The following POLR3A variants were observed in gnomAD, a reference collection of about 807,000 sequenced individuals.
POLR3A encodes the protein RNA polymerase III subunit A.
POLR3A carries 112 observed loss-of-function variants against 152.8 expected under a neutral mutation model. The observed-to-expected ratio is 0.73, with a 90% CI of 0.63 to 0.86. The LOEUF (loss-of-function observed/expected upper bound fraction) is 0.86. Among genes scored for constraint, POLR3A ranks in the 40% least tolerant of loss-of-function variants. The pLI is 0.00. For missense variants in POLR3A, 1,385 were observed against 1,743.1 expected (o/e 0.79, Z 3.66); for synonymous variants, 615 against 652.1 (o/e 0.94, Z 0.87).
rs375483659 is a variant in POLR3A at position 78,021,609 on chromosome 10, G to A, written c.1122C>T (p.Asn374=). The change falls in exon 8 of 31, where the codon AAC becomes AAT. Residue 374 remains asparagine, a synonymous_variant. Transcript: ENST00000372371. ...GCACAGCTACCTCATCAATCCGGAG[G>A]TTGGGGTCGGGCGAGATGACTGTTC... ...SGRTVISPDP[N]LRIDEVAVPV... is the part of the protein sequence containing the mutation. 7.1e-5 allele frequency: 114 copies of A among 1,614,144 alleles called. No homozygotes were observed. In the African/African-American group the frequency reaches 1.0e-3, roughly 15 times the overall value.
intron 24 of POLR3A, among the ~76,000 whole-genome samples, chr10:77,984,791 G>T (rs1477865355): frequency 6.6e-6 from 1 of 152,104 alleles, no homozygotes; most frequent in African/African-American, 2.4e-5. Flanking sequence ...AAATCACCAG[G>T]GGCTCACAGA....
At position 77,982,759 on chromosome 10, in the gene POLR3A, C is replaced by T. The variant is rs757995873; in HGVS notation, c.3488G>A (p.Gly1163Asp). The T allele has an allele frequency of 1.2e-6, 2 of 1,613,910 alleles. No individual in the cohort carries two copies. Among genetic ancestry groups the T allele is most frequent in the Admixed American group, 1.7e-5 (1 of 59,996 alleles). The change falls in exon 27 of 31, where the codon GGT (glycine) becomes GAT (aspartate). Residue 1163 changes from glycine to aspartate, a missense_variant. This residue lies in a region of POLR3A where 332 missense variants were observed against 400.1 expected (regional missense o/e 0.83). Coordinates refer to ENST00000372371, the MANE Select transcript of POLR3A (RefSeq NM_007055.4). The part of the protein sequence containing the change: ...ICTSKLRVKP[G>D]DVAVHGEAVV... Reference sequence around the variant, plus strand: ...AGCCTCACCATGAACAGCCACATCACCGGGCTTCACACGGAGCTTGGATGT... The same window carrying T: ...AGCCTCACCATGAACAGCCACATCATCGGGCTTCACACGGAGCTTGGATGT...
Position 78,029,480 on chromosome 10 carries a change from T to G in POLR3A, c.-73A>C. Reference sequence around the variant, plus strand: ...GAGAAACGATGCCCCCAGCACCTCCTGGGGCTGCTTCTGGACTCGCCGCTA... The same window carrying G: ...GAGAAACGATGCCCCCAGCACCTCCGGGGGCTGCTTCTGGACTCGCCGCTA... On this transcript the variant is annotated 5_prime_UTR_variant, in exon 1 of 31. Coordinates refer to ENST00000372371, the MANE Select transcript of POLR3A (RefSeq NM_007055.4). 1.3e-6 allele frequency: 2 copies of G among 1,498,558 alleles called. No homozygotes were observed. Among genetic ancestry groups the G allele is most frequent in the South Asian group, 2.3e-5 (2 of 88,616 alleles). 92.8% of individuals were successfully genotyped at this position (1,498,558 alleles called of 1,614,324 possible). A position where few individuals can be genotyped will look rare whatever the true frequency, so the allele number is the denominator to read the frequency against.
rs775037532 is a variant in POLR3A at position 78,017,729 on chromosome 10, CA to C, written c.1290-14del. 15 of 1,613,998 alleles carry C rather than the reference CA, an allele frequency of 9.3e-6. No homozygotes were observed. The highest frequency in any genetic ancestry group is 1.7e-5 in the Admixed American group (1 of 60,016). On this transcript the variant is annotated splice_polypyrimidine_tract_variant and intron_variant, in intron 9 of 30. Transcript: ENST00000372371. ...GTATTTCAAAAACCTGAATGTGCAA[CA>C]ATAAACATGATCTGTGAAAGCAAAG...
rs1175055503 is a variant in POLR3A at position 77,977,291 on chromosome 10, G to A, written c.*187C>T. 1.5e-6 allele frequency: 1 copy of A among 670,786 alleles called. No homozygotes were observed. The highest frequency in any genetic ancestry group is 2.7e-6 in the Non-Finnish European group (1 of 374,026). 41.6% of individuals were successfully genotyped at this position (670,786 alleles called of 1,614,324 possible). A position where few individuals can be genotyped will look rare whatever the true frequency, so the allele number is the denominator to read the frequency against. On this transcript the variant is annotated 3_prime_UTR_variant, in exon 31 of 31. Coordinates refer to ENST00000372371, the MANE Select transcript of POLR3A (RefSeq NM_007055.4). ...CTCCCGAGCAGCGTGGCACAGTCAGGGTCACTGGTGTGAGCTGCACCCTAT... is the reference window on the plus strand; with the variant it reads ...CTCCCGAGCAGCGTGGCACAGTCAGAGTCACTGGTGTGAGCTGCACCCTAT...
chr10:77,994,475 T>C (rs944691457), intron 19 of POLR3A, among the ~76,000 whole-genome samples: 2 of 151,718 alleles, frequency 1.3e-5, no homozygotes, highest in African/African-American at 2.4e-5. Flanking sequence ...TATCTGGTGT[T>C]TTAAGTAGTT....
chr10:77,983,678 C>T (rs1847170268), intron 26 of POLR3A, among the ~76,000 whole-genome samples: 1 of 152,188 alleles, frequency 6.6e-6, no homozygotes, highest in African/African-American at 2.4e-5. Flanking sequence ...TCACAGTGAA[C>T]TGGTATTGCG....
intron 19 of POLR3A, 59 bp from the exon 20 acceptor site, chr10:77,993,426 G>A: frequency 7.5e-7 from 1 of 1,330,006 alleles, no homozygotes; most frequent in Non-Finnish European, 1.1e-6. Flanking sequence ...CATGGGGAGA[G>A]GATAAGATTT....
intron 12 of POLR3A, among the ~76,000 whole-genome samples, 194 bp downstream of exon 12, chr10:78,010,277 G>T (rs962839517): frequency 7.1e-6 from 1 of 140,650 alleles, no homozygotes; most frequent in African/African-American, 2.7e-5. Flanking sequence ...CTGAATTAAT[G>T]AATAACCAAC....
rs1564614239 is a variant in POLR3A at position 77,985,960 on chromosome 10, CG to C, written c.3013del (p.Arg1005AlafsTer7). On this transcript the variant is annotated frameshift_variant, in exon 23 of 31. Coordinates refer to ENST00000372371, the MANE Select transcript of POLR3A (RefSeq NM_007055.4). LOFTEE classifies it high-confidence loss of function. Reference protein sequence around the residue: ...TEPRVLYQLDRITPTQVEKFL... With the variant: ...TEPRVLYQLDXITPTQVEKFL... ...CTTTTCTACTTGGGTGGGGGTGATG[CG>C]GTCCAGCTGGTACAGCACACGGGGC... 6.2e-7 allele frequency: 1 copy of C among 1,614,010 alleles called. No homozygotes were observed. Among genetic ancestry groups the C allele is most frequent in the African/African-American group, 1.3e-5 (1 of 74,990 alleles).
intron 21 of POLR3A, among the ~76,000 whole-genome samples, chr10:77,987,388 A>G (rs1847207730): frequency 6.6e-6 from 1 of 152,144 alleles, no homozygotes; most frequent in Non-Finnish European, 1.5e-5. Flanking sequence ...GCAGGCATTC[A>G]GCTGCTCTGT....
At chr10:78,008,585 T>G (rs1847433077) in intron 14 of POLR3A, among the ~76,000 whole-genome samples, 1 of 152,180 alleles carries the variant, frequency 6.6e-6, no homozygotes. Flanking sequence ...GGGAACTGTT[T>G]GGTAGTGGTC....
Position 78,009,687 on chromosome 10 carries a change from A to C in POLR3A, c.1771-12T>G. 6.2e-7 allele frequency: 1 copy of C among 1,613,896 alleles called. No homozygotes were observed. Among genetic ancestry groups the C allele is most frequent in the East Asian group, 2.2e-5 (1 of 44,852 alleles). On this transcript the variant is annotated splice_polypyrimidine_tract_variant and intron_variant, in intron 13 of 30. Transcript: ENST00000372371. The stretch of plus-strand genomic sequence containing the variant: ...CACAGGGTGACAGGCTGAGGGGGGG[A>C]GGAAGCCTGAGAGTCAGTGGGCTGA...
intron 14 of POLR3A, 64 bp downstream of exon 14, chr10:78,009,473 A>T: frequency 6.2e-7 from 1 of 1,609,522 alleles, no homozygotes; most frequent in Non-Finnish European, 8.5e-7. Flanking sequence ...AGCAAAGCTG[A>T]TGACCAGCCA....
At chr10:78,020,476 C>T (rs1190873892) in intron 8 of POLR3A, among the ~76,000 whole-genome samples, 1 of 150,588 alleles carries the variant, frequency 6.6e-6, no homozygotes, top group African/African-American at 2.5e-5. Flanking sequence ...GGTGACAGGG[C>T]GAGAGTCTGT....
chr10:78,019,431 A>G (rs1242072158), intron 8 of POLR3A, 166 bp from the exon 9 acceptor site: 2 of 625,850 alleles, frequency 3.2e-6, no homozygotes, highest in Non-Finnish European at 2.9e-6. Context: ...TGAACAACAG[A>G]CTGGCAAACA....
chr10:78,005,007 TAAA>T, intron 15 of POLR3A, 119 bp from the exon 16 acceptor site: 3 of 793,844 alleles, frequency 3.8e-6, no homozygotes, highest in Non-Finnish European at 2.2e-6. Flanking sequence ...ATGTATAGTT[TAAA>T]GTATAAAAAA....
intron 24 of POLR3A, 114 bp downstream of exon 24, chr10:77,985,056 G>A: frequency 1.0e-6 from 1 of 984,468 alleles, no homozygotes; most frequent in South Asian, 1.3e-5. Flanking sequence ...GCCACCCAGA[G>A]TTTAAGACAC....
rs201730227 is a variant in POLR3A, at chr10:78,025,102, T to A, written c.359A>T (p.Glu120Val). ...ATAGTCCAGAAACTGCTTCTTCTCC[T>A]CTTGGGACAGCATGATGTGGCAGCA... is the stretch of plus-strand genomic sequence containing the variant. ...KTCCHIMLSQ[E>V]EKKQFLDYLK... Residue 120 changes from glutamate (E) to valine (V), a missense_variant, in exon 4 of 31, where the codon GAG becomes GTG. By Grantham distance (121) the Glu-to-Val change is moderately radical. Transcript: ENST00000372371. The A allele has an allele frequency of 6.8e-6, 11 of 1,614,230 alleles. No homozygotes were observed. In the East Asian group the frequency reaches 2.5e-4, roughly 36 times the overall value.
Sources: allele counts gnomAD v4.1 joint callset (sites outside exome capture counted in the v4.1 genomes callset), GRCh38; gene constraint gnomAD v4.1.1; regional missense constraint gnomAD v4.1.1; transcripts MANE v1.5; gene names NCBI Gene and HGNC (gene_info 2026-07-23, HGNC 2026-07-21).